MRC1: variants seen among roughly 807,000 people sequenced by gnomAD.
MRC1 encodes macrophage mannose receptor 1.
A neutral mutation model predicts 102.9 loss-of-function variants in MRC1; 62 were observed. The ratio of observed to expected loss-of-function variants is 0.60; its 90% CI spans 0.49 to 0.74. MRC1 has a LOEUF of 0.74. Among genes scored for constraint, MRC1 ranks in the 30% least tolerant of loss-of-function variants. MRC1 has a pLI of 0.00. For missense variants in MRC1, 1,237 were observed against 862.8 expected, an observed-to-expected ratio of 1.43 and a Z score of -5.43; for synonymous variants, 457 against 298.4, an observed-to-expected ratio of 1.53 and a Z score of -5.48.
chr10:17,834,194 A>C (rs1484750725), intron 4 of MRC1, among the ~76,000 whole-genome samples: 1 of 152,216 alleles, frequency 6.6e-6, no homozygotes, highest in Non-Finnish European at 1.5e-5. Context: ...GTCTAACCTG[A>C]AGCCACAGGT....
At position 17,823,262 on chromosome 10, in the gene MRC1, G is replaced by T; in HGVS notation, c.250G>T (p.Val84Phe). 1 of 780,542 alleles carries T rather than the reference G, an allele frequency of 1.3e-6. No homozygotes were observed. The highest frequency in any genetic ancestry group is 1.3e-5 in the South Asian group (1 of 74,574). The allele number at this position is 780,542 out of a possible 1,614,324, so 48.4% of individuals were successfully genotyped here. The change falls in exon 2 of 30, where the codon GTT becomes TTT. Residue 84 changes from valine (V) to phenylalanine (F), a missense_variant. By Grantham distance (50) the Val-to-Phe change is conservative (BLOSUM62 -1). Transcript: ENST00000569591. ...GGGAGTGCCATCAAAAACGGACTGG[G>T]TTGCTATCACTCTCTATGCCTGTGA... ...CLGVPSKTDW[V>F]AITLYACDSK... is the part of the protein sequence containing the mutation.
chr10:17,879,226 C>G (rs1362606829), intron 18 of MRC1, among the ~76,000 whole-genome samples: 2 of 152,130 alleles, frequency 1.3e-5, no homozygotes, highest in African/African-American at 2.4e-5. Context: ...GACATGGCAT[C>G]AGGGTTGCTA....
At chr10:17,893,949 C>A (rs1387460791) in intron 22 of MRC1, among the ~76,000 whole-genome samples, 1 of 152,128 alleles carries the variant, frequency 6.6e-6, no homozygotes, top group Non-Finnish European at 1.5e-5. Flanking sequence ...GGTCTGATAG[C>A]AAAATTTCTC....
chr10:17,873,911 A>T, intron 16 of MRC1, 86 bp downstream of exon 16: 1 of 833,098 alleles, frequency 1.2e-6, no homozygotes, highest in African/African-American at 1.7e-5. Context: ...TACTTGCCCT[A>T]GGAAGGTAGA....
chr10:17,827,928 C>T (rs1340762407), intron 3 of MRC1, among the ~76,000 whole-genome samples: 1 of 152,140 alleles, frequency 6.6e-6, no homozygotes, highest in African/African-American at 2.4e-5. Context: ...AGATGTTGGA[C>T]TTTATACTGT....
At chr10:17,825,880 C>G (rs1405552964) in intron 2 of MRC1, among the ~76,000 whole-genome samples, 5 of 152,184 alleles carry the variant, frequency 3.3e-5, no homozygotes, top group African/African-American at 1.2e-4. Flanking sequence ...ATCCCAGTGA[C>G]TAAGAATGGC....
chr10:17,905,585 T>C (rs1395078658), intron 26 of MRC1, among the ~76,000 whole-genome samples: 2 of 151,492 alleles, frequency 1.3e-5, no homozygotes, highest in Non-Finnish European at 2.9e-5. Context: ...TCTTTTCTGG[T>C]AAATAAAATG....
At chr10:17,851,609 T>C (rs909695085) in intron 7 of MRC1, among the ~76,000 whole-genome samples, 37 of 152,264 alleles carry the variant, frequency 2.4e-4, no homozygotes, top group African/African-American at 5.3e-4. Context: ...AACAATTTAG[T>C]GAGAAATATG....
chr10:17,832,131 C>G lies in MRC1; in HGVS notation c.638-1544C>G, dbSNP rs1239266364. 9.9e-5 allele frequency among the ~76,000 whole-genome samples: 15 copies of G among 151,686 alleles called. No homozygotes were observed. In the East Asian group the frequency reaches 1.5e-3, roughly 16 times the overall value. On this transcript the variant is annotated intron_variant, in intron 3 of 29. Transcript: ENST00000569591. ...CCAGGCCAGTCTGTCTGCAGGAGTC[C>G]GTGACCTTCCCTGCTGACAATCTTA... is the stretch of plus-strand genomic sequence containing the variant.
Position 17,855,571 on chromosome 10 carries a change from C to CAAAA in MRC1, c.1408-648_1408-645dup, listed in dbSNP as rs35692453. ...TGGGCAACAGAGCGAGACTCCGTCT[C>CAAAA]AAAAAAAAAAAAAAAAAAAAAAAAA... On this transcript the variant is annotated intron_variant, in intron 8 of 29. Transcript: ENST00000569591. Among the ~76,000 whole-genome samples the CAAAA allele has an allele frequency of 1.3e-3, 53 of 42,080 alleles. 4 individuals are homozygous for CAAAA. Among genetic ancestry groups the CAAAA allele is most frequent in the African/African-American group, 3.7e-3 (44 of 11,834 alleles). The allele number at this position is 42,080 out of a possible 152,430, so 27.6% of individuals were successfully genotyped here.
intron 4 of MRC1, among the ~76,000 whole-genome samples, chr10:17,834,751 T>A (rs900774711): frequency 2.9e-4 from 44 of 152,302 alleles, no homozygotes; most frequent in African/African-American, 1.1e-3. Flanking sequence ...TTTATTAGAT[T>A]GTGAAGACTA....
chr10:17,842,796 G>A (rs982366846), intron 5 of MRC1, among the ~76,000 whole-genome samples: 134 of 152,252 alleles, frequency 8.8e-4, no homozygotes, highest in African/African-American at 3.0e-3. Flanking sequence ...GAAAACTTCC[G>A]GGTTAACTTT....
chr10:17,819,449 T>A (rs1174149209), intron 1 of MRC1, among the ~76,000 whole-genome samples: 2 of 98,968 alleles, frequency 2.0e-5, no homozygotes, highest in Non-Finnish European at 4.0e-5. Flanking sequence ...GAATTCAGAG[T>A]TGTATGTGTG....
chr10:17,815,174 AT>A (rs1838291493), intron 1 of MRC1, among the ~76,000 whole-genome samples: 1 of 152,072 alleles, frequency 6.6e-6, no homozygotes, highest in Non-Finnish European at 1.5e-5. Context: ...AGGTCCTGCT[AT>A]TTCCCCCTTT....
chr10:17,886,169 G>A (rs1833590032), intron 22 of MRC1, among the ~76,000 whole-genome samples: 1 of 152,154 alleles, frequency 6.6e-6, no homozygotes, highest in Non-Finnish European at 1.5e-5. Context: ...AACTCACTGT[G>A]GGATGGGGTG....
chr10:17,873,447 C>A (rs1391113161), intron 15 of MRC1, among the ~76,000 whole-genome samples: 1 of 151,802 alleles, frequency 6.6e-6, no homozygotes, highest in African/African-American at 2.4e-5. Context: ...TGATTTAAAC[C>A]CAGGCTTGGG....
chr10:17,911,013 G>T lies in MRC1; in HGVS notation c.*548G>T, dbSNP rs1181726356. On this transcript the variant is annotated 3_prime_UTR_variant, in exon 30 of 30. Coordinates refer to ENST00000569591, the MANE Select transcript of MRC1 (RefSeq NM_002438.4). ...TGAGAATCTTGTTTCCCCCAAGAGA[G>T]TTTTACAGGCTGAGTGTTGCAAATG... is the stretch of plus-strand genomic sequence containing the variant. 6.1e-6 allele frequency: 1 copy of T among 164,690 alleles called. No homozygotes were observed. Among genetic ancestry groups the T allele is most frequent in the African/African-American group, 2.4e-5 (1 of 41,488 alleles). The allele number at this position is 164,690 out of a possible 1,614,324, so 10.2% of individuals were successfully genotyped here.
intron 21 of MRC1, among the ~76,000 whole-genome samples, chr10:17,883,233 T>C (rs2130694618): frequency 6.6e-6 from 1 of 152,316 alleles, no homozygotes; most frequent in South Asian, 2.1e-4. Flanking sequence ...ACTCAAGTAA[T>C]CCTCATGTCT....
At chr10:17,895,666 T>G (rs1833744457) in intron 23 of MRC1, among the ~76,000 whole-genome samples, 1 of 152,200 alleles carries the variant, frequency 6.6e-6, no homozygotes, top group African/African-American at 2.4e-5. Context: ...TCAATTAAGA[T>G]GGTGTTTATA....
Sources: gnomAD v4.1 joint callset for allele counts (sites outside exome capture counted in the v4.1 genomes callset) on GRCh38, gnomAD v4.1.1 for gene constraint, MANE v1.5 for transcripts, NCBI Gene and HGNC (gene_info 2026-07-23, HGNC 2026-07-21) for gene names.